Variants in ZBTB20 observed in about 807,000 individuals in gnomAD.
The protein encoded by ZBTB20 is zinc finger and BTB domain-containing protein 20.
Under a neutral mutation model 56.9 loss-of-function variants are expected in ZBTB20, and 9 were observed. The observed-to-expected ratio is 0.16, with a 90% CI of 0.10 to 0.28. ZBTB20 has a LOEUF of 0.28. ZBTB20 is among the 10% of genes least tolerant of loss of function. ZBTB20 has a pLI of 1.00. For missense variants in ZBTB20, 655 were observed against 1,003.0 expected (o/e 0.65, Z 4.69); for synonymous variants, 417 against 420.7 (o/e 0.99, Z 0.11).
intron 4 of ZBTB20, among the ~76,000 whole-genome samples, chr3:114,897,539 C>A (rs1217630227): frequency 6.6e-6 from 1 of 152,106 alleles, no homozygotes; most frequent in Non-Finnish European, 1.5e-5. Flanking sequence ...CTTTGAGATT[C>A]CAGGCTAATT....
intron 2 of ZBTB20, among the ~76,000 whole-genome samples, chr3:114,996,439 T>C (rs1040204104): frequency 2.6e-5 from 4 of 151,858 alleles, no homozygotes; most frequent in Admixed American, 2.6e-4. Flanking sequence ...ATCCCACTTA[T>C]GAGTGAGAAC....
At chr3:115,110,704 T>A (rs1352807559) in intron 1 of ZBTB20, among the ~76,000 whole-genome samples, 1 of 152,134 alleles carries the variant, frequency 6.6e-6, no homozygotes, top group Non-Finnish European at 1.5e-5. Context: ...ATAAAACAAA[T>A]CCGGCCAGGT....
chr3:114,833,575 G>A (rs1008400159), intron 4 of ZBTB20, among the ~76,000 whole-genome samples: 1 of 151,608 alleles, frequency 6.6e-6, no homozygotes, highest in African/African-American at 2.4e-5. Flanking sequence ...TATCACCTAG[G>A]CTGGAGTGCA....
intron 6 of ZBTB20, among the ~76,000 whole-genome samples, chr3:114,644,584 T>C (rs1560078167): frequency 6.6e-6 from 1 of 152,082 alleles, no homozygotes; most frequent in Non-Finnish European, 1.5e-5. Flanking sequence ...TGGCTGTTGT[T>C]AAAAAATCAA....
At chr3:114,366,171 C>A (rs538816987) in intron 10 of ZBTB20, among the ~76,000 whole-genome samples, 1 of 152,318 alleles carries the variant, frequency 6.6e-6, no homozygotes. Context: ...CCAAAATAAA[C>A]ATTTAACAAG....
At chr3:115,016,095 G>A (rs1361676111) in intron 2 of ZBTB20, among the ~76,000 whole-genome samples, 2 of 151,694 alleles carry the variant, frequency 1.3e-5, no homozygotes, top group Non-Finnish European at 3.0e-5. Context: ...TTTCACGTTT[G>A]TTGGCTGCAT....
chr3:114,908,727 AAAAG>A (rs1251807225), intron 3 of ZBTB20, among the ~76,000 whole-genome samples: 4 of 152,000 alleles, frequency 2.6e-5, no homozygotes, highest in South Asian at 4.1e-4. Context: ...CCAAAATAAA[AAAAG>A]AAAGAAACTA....
chr3:114,872,884 A>G (rs544402376), intron 4 of ZBTB20, among the ~76,000 whole-genome samples: 16 of 152,238 alleles, frequency 1.1e-4, no homozygotes, highest in African/African-American at 3.6e-4. Flanking sequence ...TTCCTAAAAG[A>G]TCAAAGTCCC....
chr3:114,461,211 C>T (rs1369888097), intron 7 of ZBTB20, among the ~76,000 whole-genome samples: 4 of 151,900 alleles, frequency 2.6e-5, no homozygotes, highest in African/African-American at 9.7e-5. Flanking sequence ...ACCCCCACCC[C>T]ACATTTTTTT....
intron 6 of ZBTB20, among the ~76,000 whole-genome samples, chr3:114,559,842 C>T (rs79198613): frequency 2.6e-5 from 4 of 152,150 alleles, no homozygotes; most frequent in South Asian, 4.2e-4. Context: ...AGTTCAAAGA[C>T]GATGAGAAGG....
rs142082057 is a variant in ZBTB20 at position 114,516,623 on chromosome 3, T to C, written c.-294-16232A>G. Among the ~76,000 whole-genome samples the C allele has an allele frequency of 2.1e-3, 326 of 152,292 alleles. 1 individual carries two copies. The highest frequency in any genetic ancestry group is 7.5e-3 in the African/African-American group (311 of 41,566). On this transcript the variant is annotated intron_variant, in intron 6 of 11. Coordinates refer to ENST00000675478, the MANE Select transcript of ZBTB20 (RefSeq NM_001348800.3). ...ATGAATAGATGTGTGAATAGGGTCA[T>C]TGAAGATGTGATTAAGATGAGGTCA...
At chr3:114,958,682 T>C (rs1425516379) in intron 3 of ZBTB20, among the ~76,000 whole-genome samples, 2 of 151,958 alleles carry the variant, frequency 1.3e-5, no homozygotes, top group South Asian at 2.1e-4. Flanking sequence ...ACCCCATTTC[T>C]ACTAAAAATA....
intron 3 of ZBTB20, among the ~76,000 whole-genome samples, chr3:114,955,022 T>C (rs192644174): frequency 4.6e-5 from 7 of 152,328 alleles, no homozygotes; most frequent in Admixed American, 4.6e-4. Context: ...TTTGAAGTTC[T>C]GTGTCATCCC....
At chr3:114,607,970 C>T (rs1021236795) in intron 6 of ZBTB20, among the ~76,000 whole-genome samples, 1 of 152,134 alleles carries the variant, frequency 6.6e-6, no homozygotes, top group Non-Finnish European at 1.5e-5. Flanking sequence ...AACAGTACAA[C>T]TGAAGTGATG....
At chr3:114,375,298 C>G (rs975464088) in intron 10 of ZBTB20, among the ~76,000 whole-genome samples, 1 of 152,136 alleles carries the variant, frequency 6.6e-6, no homozygotes. Flanking sequence ...TTGCTACTAA[C>G]GCCTTTCAAT....
chr3:114,501,624 CAA>C (rs553940453), intron 6 of ZBTB20, among the ~76,000 whole-genome samples: 1 of 36,560 alleles, frequency 2.7e-5, no homozygotes, highest in Non-Finnish European at 6.6e-5. Context: ...AAAACTCCGT[CAA>C]AAAAAAAAAA....
At chr3:114,570,190 T>C (rs1387111219) in intron 6 of ZBTB20, among the ~76,000 whole-genome samples, 2 of 152,044 alleles carry the variant, frequency 1.3e-5, no homozygotes, top group African/African-American at 4.8e-5. Flanking sequence ...ATAAAATCTG[T>C]GACTTGTGTA....
chr3:114,730,580 G>A (rs1390126270), intron 5 of ZBTB20, among the ~76,000 whole-genome samples: 4 of 152,234 alleles, frequency 2.6e-5, no homozygotes, highest in Non-Finnish European at 5.9e-5. Flanking sequence ...TATAAGGACA[G>A]GAAGAGACAT....
rs1252157871 is a variant in ZBTB20 at position 114,453,780 on chromosome 3, G to A, written c.-255+46572C>T. The A allele has an allele frequency of 2.0e-5, 3 of 152,056 alleles. No individual in the cohort carries two copies. In the East Asian group the frequency reaches 5.8e-4, roughly 29 times the overall value. 9.4% of individuals were successfully genotyped at this position (152,056 alleles called of 1,614,324 possible). On this transcript the variant is annotated intron_variant, in intron 7 of 11. Transcript: ENST00000675478. Reference sequence around the variant, plus strand: ...TTTCATGTACATATATGTATATATTGGGATGATGGGGAGAAAAGATAACTG... The same window carrying A: ...TTTCATGTACATATATGTATATATTAGGATGATGGGGAGAAAAGATAACTG...
Sources: allele counts gnomAD v4.1 joint callset (sites outside exome capture counted in the v4.1 genomes callset), GRCh38; gene constraint gnomAD v4.1.1; transcripts MANE v1.5; gene names NCBI Gene and HGNC (gene_info 2026-07-23, HGNC 2026-07-21).